The following HACE1 variants were observed in gnomAD, a reference collection of about 807,000 sequenced individuals.
HACE1 encodes HECT domain and ankyrin repeat containing E3 ubiquitin protein ligase 1.
In HACE1, 73 loss-of-function variants were observed where a neutral mutation model predicts 118.4. That is an observed-to-expected ratio of 0.62 (90% CI 0.51 to 0.75). The LOEUF is 0.75. Among genes scored for constraint, HACE1 ranks in the 30% least tolerant of loss-of-function variants. The pLI is 0.00. For missense variants in HACE1, 749 were observed against 1,102.2 expected (o/e 0.68, Z 4.54); for synonymous variants, 368 against 374.8 (o/e 0.98, Z 0.21).
At chr6:104,744,977 G>A (rs1356859473) in intron 20 of HACE1, among the ~76,000 whole-genome samples, 1 of 152,034 alleles carries the variant, frequency 6.6e-6, no homozygotes, top group African/African-American at 2.4e-5. Context: ...GTTAACTTCT[G>A]TAAGGAGACA....
In HACE1 at chr6:104,730,421, G is replaced by A; in HGVS notation, c.2514-5C>T. On this transcript the variant is annotated splice_region_variant and splice_polypyrimidine_tract_variant and intron_variant, in intron 22 of 23. Coordinates refer to ENST00000262903, the MANE Select transcript of HACE1 (RefSeq NM_020771.4). ...CCACCATGTGGGACCCTGGAACTAA[G>A]AGTTTATATCTTAATACATTGTAAT... is the stretch of plus-strand genomic sequence containing the variant. 8.0e-7 allele frequency: 1 copy of A among 1,255,452 alleles called. No homozygotes were observed. The highest frequency in any genetic ancestry group is 1.2e-6 in the Non-Finnish European group (1 of 852,418). 77.8% of individuals were successfully genotyped at this position (1,255,452 alleles called of 1,614,324 possible).
chr6:104,782,242 C>T (rs942486563), intron 14 of HACE1: 1 of 152,492 alleles, frequency 6.6e-6, no homozygotes, highest in Non-Finnish European at 1.5e-5. Flanking sequence ...AATCCCAACA[C>T]TTTGGGAGGC....
At chr6:104,806,498 A>G (rs1771013618) in intron 7 of HACE1, among the ~76,000 whole-genome samples, 1 of 152,122 alleles carries the variant, frequency 6.6e-6, no homozygotes, top group South Asian at 2.1e-4. Context: ...TAATTTTTTA[A>G]ATAGATTTAA....
At chr6:104,743,554 CA>C (rs1362438484) in intron 22 of HACE1, among the ~76,000 whole-genome samples, 1 of 151,558 alleles carries the variant, frequency 6.6e-6, no homozygotes, top group African/African-American at 2.4e-5. Context: ...TTCTGTTATC[CA>C]AAATGAAAAT....
rs1014201997 is a variant in HACE1, at chr6:104,744,165, C to T, written c.2508G>A (p.Thr836=). 1.3e-5 allele frequency: 20 copies of T among 1,570,914 alleles called. No homozygotes were observed. Among genetic ancestry groups the T allele is most frequent in the Non-Finnish European group, 1.4e-5 (16 of 1,140,938 alleles). The stretch of plus-strand genomic sequence containing the variant: ...ATCATAAAAATACTGCTTACCTGCC[C>T]GTAACAAACTGTAAGAGAAGAACTC... The part of the protein sequence containing the change: ...EERVLLLQFV[T]GSSRVPHGGF... The change falls in exon 22 of 24, where the codon ACG becomes ACA. Residue 836 remains threonine, a synonymous_variant. Coordinates refer to ENST00000262903, the MANE Select transcript of HACE1 (RefSeq NM_020771.4).
intron 1 of HACE1, among the ~76,000 whole-genome samples, chr6:104,857,906 G>T (rs926555300): frequency 6.7e-6 from 1 of 148,820 alleles, no homozygotes; most frequent in South Asian, 2.1e-4. Flanking sequence ...GCAGTGAGTC[G>T]AGATGGCGCC....
rs1355203230 is a variant in HACE1, at chr6:104,750,359, A to T, written c.2325T>A (p.Leu775=). The stretch of plus-strand genomic sequence containing the variant: ...TCCTTACCAATTCATATTCATCAAA[A>T]AGCTGTATGAGGGAGGGTGGAATGA... The part of the protein sequence containing the change: ...HMFIPPSLIQ[L]FDEYELELLL... Residue 775 remains leucine (L), a synonymous_variant, in exon 20 of 24, where the codon CTT becomes CTA. Transcript: ENST00000262903. The T allele has an allele frequency of 1.9e-6, 3 of 1,612,778 alleles. No individual in the cohort carries two copies. Among genetic ancestry groups the T allele is most frequent in the Non-Finnish European group, 2.5e-6 (3 of 1,179,122 alleles).
At chr6:104,774,620 G>A (rs1781028697) in intron 17 of HACE1, among the ~76,000 whole-genome samples, 1 of 151,742 alleles carries the variant, frequency 6.6e-6, no homozygotes, top group African/African-American at 2.4e-5. Flanking sequence ...TTTTGACCTC[G>A]TGATCTGCCC....
intron 7 of HACE1, among the ~76,000 whole-genome samples, chr6:104,806,468 C>T (rs1771010684): frequency 6.6e-6 from 1 of 151,882 alleles, no homozygotes; most frequent in Non-Finnish European, 1.5e-5. Context: ...TCTCTAAAAA[C>T]TAATAATTTA....
intron 19 of HACE1, among the ~76,000 whole-genome samples, chr6:104,770,197 G>T (rs1780461784): frequency 6.6e-6 from 1 of 152,062 alleles, no homozygotes; most frequent in Admixed American, 6.6e-5. Context: ...TTATAATTCA[G>T]CTAAACAAAA....
chr6:104,839,602 T>G (rs1774893510), intron 5 of HACE1, among the ~76,000 whole-genome samples: 1 of 152,222 alleles, frequency 6.6e-6, no homozygotes, highest in South Asian at 2.1e-4. Context: ...TTGACTATGG[T>G]GGTGAAAACC....
At chr6:104,852,197 G>C (rs904523266) in intron 2 of HACE1, 120 bp downstream of exon 2, 1 of 609,672 alleles carries the variant, frequency 1.6e-6, no homozygotes, top group Non-Finnish European at 3.0e-6. Context: ...TGTCCAAACT[G>C]TCTGTGTGTG....
At chr6:104,766,202 A>G (rs1780000848) in intron 19 of HACE1, among the ~76,000 whole-genome samples, 1 of 152,172 alleles carries the variant, frequency 6.6e-6, no homozygotes, top group African/African-American at 2.4e-5. Flanking sequence ...TGCACATGTC[A>G]TTTATTACCC....
Position 104,792,901 on chromosome 6 carries a change from A to G in HACE1, c.924-1247T>C, listed in dbSNP as rs1783183990. Among the ~76,000 whole-genome samples, 3 of 152,192 alleles carry G rather than the reference A, an allele frequency of 2.0e-5. No individual in the cohort carries two copies. In the South Asian group the frequency reaches 6.2e-4, roughly 32 times the overall value. Reference sequence around the variant, plus strand: ...CTACCCAATAAATACCAAGGGCTGCAGAAGCTCAAGGTTGTTGCTGCCTTT... The same window carrying G: ...CTACCCAATAAATACCAAGGGCTGCGGAAGCTCAAGGTTGTTGCTGCCTTT... On this transcript the variant is annotated intron_variant, in intron 10 of 23. Coordinates refer to ENST00000262903, the MANE Select transcript of HACE1 (RefSeq NM_020771.4).
intron 7 of HACE1, among the ~76,000 whole-genome samples, chr6:104,806,287 C>G (rs1186315662): frequency 6.6e-6 from 1 of 152,084 alleles, no homozygotes; most frequent in Non-Finnish European, 1.5e-5. Context: ...CATACCTTGA[C>G]TTTATTAAAA....
chr6:104,784,067 G>A lies in HACE1; in HGVS notation c.1566+19C>T. On this transcript the variant is annotated intron_variant, in intron 14 of 23. Transcript: ENST00000262903. ...TTAATTTCATTAGATAGAATAAAAA[G>A]ATGAAGAAAAATTTCTACCTGTGCT... 7.8e-7 allele frequency: 1 copy of A among 1,277,406 alleles called. No homozygotes were observed. The highest frequency in any genetic ancestry group is 1.7e-5 in the Admixed American group (1 of 59,528). 79.1% of individuals were successfully genotyped at this position (1,277,406 alleles called of 1,614,324 possible).
At chr6:104,813,581 T>C (rs1771843839) in intron 6 of HACE1, among the ~76,000 whole-genome samples, 1 of 136,626 alleles carries the variant, frequency 7.3e-6, no homozygotes. Context: ...CAGCTAAATA[T>C]CCTAAAATTC....
chr6:104,739,061 C>A (rs1451001534), intron 22 of HACE1, among the ~76,000 whole-genome samples: 1 of 150,738 alleles, frequency 6.6e-6, no homozygotes, highest in East Asian at 1.9e-4. Flanking sequence ...TCATATCCAG[C>A]CAAACTAAGC....
chr6:104,796,347 C>A, intron 9 of HACE1, among the ~76,000 whole-genome samples: 1 of 152,072 alleles, frequency 6.6e-6, no homozygotes, highest in East Asian at 1.9e-4. Context: ...TGGGCTCAAG[C>A]AATCCACCCA....
Sources: gnomAD v4.1 joint callset for allele counts (sites outside exome capture counted in the v4.1 genomes callset) on GRCh38, gnomAD v4.1.1 for gene constraint, MANE v1.5 for transcripts, NCBI Gene and HGNC (gene_info 2026-07-23, HGNC 2026-07-21) for gene names.